The following PASK variants were observed in gnomAD, a reference collection of about 807,000 sequenced individuals.
The protein encoded by PASK is PAS domain containing serine/threonine kinase.
Under a neutral mutation model 121.0 loss-of-function variants are expected in PASK, and 110 were observed. That is an observed-to-expected ratio of 0.91 (90% CI 0.78 to 1.06). The LOEUF is 1.06. Among genes scored for constraint, PASK ranks in the 50% least tolerant of loss-of-function variants. The pLI, the probability that PASK is intolerant of heterozygous loss-of-function variation, is 0.00. For missense variants in PASK, 1,643 were observed against 1,702.3 expected (o/e 0.97, Z 0.61); for synonymous variants, 686 against 717.8 (o/e 0.96, Z 0.71).
In PASK at chr2:241,112,928, T is replaced by TGGGGCAGAGCTG. The variant is rs2065167635; in HGVS notation, c.3334-501_3334-490dup. 5.8e-6 allele frequency: 1 copy of TGGGGCAGAGCTG among 171,562 alleles called. No individual in the cohort carries two copies. The highest frequency in any genetic ancestry group is 2.4e-5 in the African/African-American group (1 of 41,580). The allele number at this position is 171,562 out of a possible 1,614,324, so 10.6% of individuals were successfully genotyped here. Reference sequence around the variant, plus strand: ...CTTGCCCAGAGTTCAGGCAGCAATTTGGGGCAGAGCTGGGAGCACAGCCTC... The same window carrying TGGGGCAGAGCTG: ...CTTGCCCAGAGTTCAGGCAGCAATTTGGGGCAGAGCTGGGGGCAGAGCTGGGAGCACAGCCTC... On this transcript the variant is annotated intron_variant, in intron 14 of 17. Coordinates refer to ENST00000234040, the MANE Select transcript of PASK (RefSeq NM_015148.4). The surrounding 1 kb of genome is among the most constrained non-coding windows in gnomAD (Gnocchi z 5.2).
At chr2:241,122,159 A>C (rs952003980) in intron 12 of PASK, among the ~76,000 whole-genome samples, 1 of 152,202 alleles carries the variant, frequency 6.6e-6, no homozygotes, top group African/African-American at 2.4e-5. Context: ...ATTAGAAAAA[A>C]GCATAGCTCA....
intron 8 of PASK, among the ~76,000 whole-genome samples, chr2:241,135,177 G>A (rs971857006): frequency 2.6e-5 from 4 of 152,216 alleles, no homozygotes; most frequent in East Asian, 1.9e-4. Flanking sequence ...AAAGGGACTC[G>A]GAGTATTTGT....
chr2:241,144,795 C>T (rs1225016191), intron 1 of PASK, among the ~76,000 whole-genome samples: 1 of 152,246 alleles, frequency 6.6e-6, no homozygotes, highest in East Asian at 1.9e-4. Flanking sequence ...GGAGTCCCCC[C>T]TCCTTGCCTT....
chr2:241,121,885 T>C (rs1038629211), intron 12 of PASK, among the ~76,000 whole-genome samples: 1 of 152,170 alleles, frequency 6.6e-6, no homozygotes, highest in Admixed American at 6.5e-5. Flanking sequence ...TCCACAAGTA[T>C]AGGTAGAGAC....
Position 241,108,341 on chromosome 2 carries a change from C to A in PASK, c.3534-41G>T. The A allele has an allele frequency of 6.2e-7, 1 of 1,610,958 alleles. No homozygotes were observed. Among genetic ancestry groups the A allele is most frequent in the Non-Finnish European group, 8.5e-7 (1 of 1,178,708 alleles). ...GGCATCAGGACGCCACGGCACTCAG[C>A]GCAGGCTTGCCAAGCCCGCCCATGG... On this transcript the variant is annotated intron_variant, in intron 15 of 17. Transcript: ENST00000234040. This position sits in a 1 kb window ranked among gnomAD's most constrained non-coding sequence, Gnocchi z 5.2.
chr2:241,137,843 A>C, intron 6 of PASK, 110 bp downstream of exon 6: 1 of 1,220,162 alleles, frequency 8.2e-7, no homozygotes, highest in Non-Finnish European at 1.2e-6. Flanking sequence ...AGCATGTCCC[A>C]CCCCTAAGGC....
At chr2:241,132,541 A>G (rs2066208707) in intron 9 of PASK, among the ~76,000 whole-genome samples, 1 of 150,718 alleles carries the variant, frequency 6.6e-6, no homozygotes, top group African/African-American at 2.4e-5. Context: ...AAAAAAAAAA[A>G]AAAAAAAAAA....
intron 1 of PASK, among the ~76,000 whole-genome samples, chr2:241,147,651 CTA>C (rs529303474): frequency 3.7e-4 from 57 of 152,038 alleles, no homozygotes; most frequent in Non-Finnish European, 5.7e-4. Context: ...AGTAATATAA[CTA>C]TTCAGAATAT....
chr2:241,131,338 C>T (rs112003127), intron 9 of PASK, among the ~76,000 whole-genome samples: 3,350 of 152,002 alleles, frequency 0.022, 120 homozygotes, highest in African/African-American at 0.077. Context: ...TTAGTAGAGA[C>T]GGGGTTGCAC....
Position 241,116,173 on chromosome 2 carries a change from C to A in PASK, c.3073-760G>T, listed in dbSNP as rs796626484. ...AAGCATCCCATTCCACCAGGGCCAC[C>A]CAGTCCTCAAGCATCCCATTACACC... On this transcript the variant is annotated intron_variant, in intron 12 of 17. Coordinates refer to ENST00000234040, the MANE Select transcript of PASK (RefSeq NM_015148.4). Among the ~76,000 whole-genome samples, 25 of 116,464 alleles carry A rather than the reference C, an allele frequency of 2.1e-4. 4 individuals are homozygous for A. Among genetic ancestry groups the A allele is most frequent in the African/African-American group, 1.1e-3 (24 of 22,362 alleles). 76.4% of individuals were successfully genotyped at this position (116,464 alleles called of 152,430 possible). A position where few individuals can be genotyped will look rare whatever the true frequency, so the allele number is the denominator to read the frequency against.
At chr2:241,149,159 G>A (rs567850525) in intron 1 of PASK, among the ~76,000 whole-genome samples, 14 of 152,210 alleles carry the variant, frequency 9.2e-5, no homozygotes, top group South Asian at 8.3e-4. Context: ...ACACTGAAGG[G>A]CACCCCGAAG....
Position 241,126,851 on chromosome 2 carries a change from C to T in PASK, c.2064G>A (p.Gln688=), listed in dbSNP as rs749560804. 1.2e-6 allele frequency: 2 copies of T among 1,612,718 alleles called. No individual in the cohort carries two copies. Among genetic ancestry groups the T allele is most frequent in the Admixed American group, 3.3e-5 (2 of 59,980 alleles). ...AGGACGACACAGGAGCGGTGACAGCCTGGCACTCTGTCGGAACGAGTTCGG... is the reference window on the plus strand; with the variant it reads ...AGGACGACACAGGAGCGGTGACAGCTTGGCACTCTGTCGGAACGAGTTCGG... ...PHAELVPTEC[Q]AVTAPVSSCD... Residue 688 remains glutamine, a synonymous_variant, in exon 10 of 18, where the codon CAG becomes CAA. Transcript: ENST00000234040.
In PASK at chr2:241,143,087, A is replaced by C; in HGVS notation, c.-42-13T>G. 3.1e-6 allele frequency: 4 copies of C among 1,276,478 alleles called. No individual in the cohort carries two copies. The highest frequency in any genetic ancestry group is 4.6e-6 in the Non-Finnish European group (4 of 874,498). The allele number at this position is 1,276,478 out of a possible 1,614,324, so 79.1% of individuals were successfully genotyped here. ...CCAACTCTAACAACTAGAAAACAACATGAAGCTGATTAACATCTGCAATGC... is the reference window on the plus strand; with the variant it reads ...CCAACTCTAACAACTAGAAAACAACCTGAAGCTGATTAACATCTGCAATGC... On this transcript the variant is annotated splice_polypyrimidine_tract_variant and intron_variant, in intron 1 of 17. Coordinates refer to ENST00000234040, the MANE Select transcript of PASK (RefSeq NM_015148.4).
Position 241,140,602 on chromosome 2 carries a change from T to G in PASK, c.348A>C (p.Ser116=). ...CCGGAAGCAGAGGTGAGGACCACCC[T>G]GAGGACAGTCCCCGCAGCAGGGAGC... is the stretch of plus-strand genomic sequence containing the variant. ...SCCSLLRGLS[S]GWSSPLLPAP... is the part of the protein sequence containing the mutation. The change falls in exon 3 of 18, where the codon TCA becomes TCC. Residue 116 remains serine, a synonymous_variant. Coordinates refer to ENST00000234040, the MANE Select transcript of PASK (RefSeq NM_015148.4). The G allele has an allele frequency of 6.2e-7, 1 of 1,614,024 alleles. No individual in the cohort carries two copies. The highest frequency in any genetic ancestry group is 1.1e-5 in the South Asian group (1 of 91,060).
Position 241,108,231 on chromosome 2 carries a change from G to T in PASK, c.3603C>A (p.Asn1201Lys). 2 of 1,613,924 alleles carry T rather than the reference G, an allele frequency of 1.2e-6. No homozygotes were observed. The highest frequency in any genetic ancestry group is 2.2e-5 in the South Asian group (2 of 91,072). The change falls in exon 16 of 18, where the codon AAC (asparagine) becomes AAA (lysine). Residue 1201 changes from asparagine (N) to lysine (K), a missense_variant. Physicochemically the swap from Asn to Lys is moderately conservative, Grantham distance 94. This residue lies in a region of PASK where 453 missense variants were observed against 511.2 expected (regional missense o/e 0.89). Coordinates refer to ENST00000234040, the MANE Select transcript of PASK (RefSeq NM_015148.4). The surrounding 1 kb of genome is among the most constrained non-coding windows in gnomAD (Gnocchi z 5.2). The part of the protein sequence containing the change: ...VTLYTLVFEE[N>K]PFCELEETVE... ...CGGTCTCCTCCAGCTCACAGAAGGG[G>T]TTCTCCTCAAAGACCAGCGTGTACA...
upstream of PASK, chr2:241,150,201 C>G (rs2067220056): frequency 7.9e-7 from 1 of 1,273,356 alleles, no homozygotes; most frequent in African/African-American, 1.6e-5. Context: ...TCCACTCCGT[C>G]TGCCTGCAGC....
rs1353718014 is a variant in PASK at position 241,122,884 on chromosome 2, G to GTCTGGC, written c.2914_2919dup (p.Ala972_Arg973dup). On this transcript the variant is annotated inframe_insertion, in exon 12 of 18. Coordinates refer to ENST00000234040, the MANE Select transcript of PASK (RefSeq NM_015148.4). Reference sequence around the variant, plus strand: ...GCCTTGGGGGGCTCCTCAAACCAGGGTCTGGCTCTGAGCACCTGCAATGCA... The same window carrying GTCTGGC: ...GCCTTGGGGGGCTCCTCAAACCAGGGTCTGGCTCTGGCTCTGAGCACCTGCAATGCA... 3.1e-6 allele frequency: 5 copies of GTCTGGC among 1,614,038 alleles called. No homozygotes were observed. Among genetic ancestry groups the GTCTGGC allele is most frequent in the Non-Finnish European group, 4.2e-6 (5 of 1,179,920 alleles).
chr2:241,119,485 T>TC (rs1553609357), intron 12 of PASK, among the ~76,000 whole-genome samples: 1 of 150,880 alleles, frequency 6.6e-6, no homozygotes, highest in Non-Finnish European at 1.5e-5. Flanking sequence ...TTTTTTTTTT[T>TC]GGAGACAAGA....
Position 241,137,933 on chromosome 2 carries a change from C to G in PASK, c.876+20G>C. ...AAGAACTCCACCCCATCACACAGTGCGGGAGGTCAGGAGCCCTACCTTTGG... is the reference window on the plus strand; with the variant it reads ...AAGAACTCCACCCCATCACACAGTGGGGGAGGTCAGGAGCCCTACCTTTGG... On this transcript the variant is annotated intron_variant, in intron 6 of 17. Coordinates refer to ENST00000234040, the MANE Select transcript of PASK (RefSeq NM_015148.4). The G allele has an allele frequency of 1.2e-6, 2 of 1,613,098 alleles. No homozygotes were observed. Among genetic ancestry groups the G allele is most frequent in the Non-Finnish European group, 1.7e-6 (2 of 1,179,076 alleles).
Sources: allele counts gnomAD v4.1 joint callset (sites outside exome capture counted in the v4.1 genomes callset), GRCh38; gene constraint gnomAD v4.1.1; regional missense constraint gnomAD v4.1.1; non-coding constraint Gnocchi (gnomAD v3.1); transcripts MANE v1.5; gene names NCBI Gene and HGNC (gene_info 2026-07-23, HGNC 2026-07-21).